ABCG8: variants seen among roughly 807,000 people sequenced by gnomAD.
The protein encoded by ABCG8 is ATP binding cassette subfamily G member 8, also known as ATP-binding cassette sub-family G member 8.
A neutral mutation model predicts 71.3 loss-of-function variants in ABCG8; 81 were observed. That is an observed-to-expected ratio of 1.14 (90% confidence interval 0.95 to 1.37). ABCG8 has a LOEUF of 1.37. Among genes scored for constraint, ABCG8 ranks in the 40% most tolerant of loss-of-function variants. The probability of loss-of-function intolerance (pLI) is 0.00; values close to 1 mark genes in which losing one functional copy is unlikely to be tolerated. For missense variants in ABCG8, 1,119 were observed against 866.2 expected (o/e 1.29, Z -3.66); for synonymous variants, 451 against 354.7 (o/e 1.27, Z -3.05).
In ABCG8 at chr2:43,877,620, A is replaced by T. The variant is rs1381705606; in HGVS notation, c.1816A>T (p.Ile606Phe). The change falls in exon 12 of 13, where the codon ATT becomes TTT. Residue 606 changes from isoleucine to phenylalanine, a missense_variant. By Grantham distance (21) the Ile-to-Phe change is conservative (BLOSUM62 0). Coordinates refer to ENST00000272286, the MANE Select transcript of ABCG8 (RefSeq NM_022437.3). ...LRWCFEGLMK[I>F]QFSRRTYKMP... is the part of the protein sequence containing the mutation. ...GTGGTGTTTTGAAGGGCTGATGAAGATTCAGTTCAGCAGAAGAACTTATAA... is the reference window on the plus strand; with the variant it reads ...GTGGTGTTTTGAAGGGCTGATGAAGTTTCAGTTCAGCAGAAGAACTTATAA... The T allele has an allele frequency of 6.2e-7, 1 of 1,614,004 alleles. No individual in the cohort carries two copies. The highest frequency in any genetic ancestry group is 1.3e-5 in the African/African-American group (1 of 74,892).
chr2:43,845,495 T>C (rs1252734877), intron 2 of ABCG8, among the ~76,000 whole-genome samples: 1 of 152,268 alleles, frequency 6.6e-6, no homozygotes, highest in African/African-American at 2.4e-5. Flanking sequence ...TGTTAAGTGA[T>C]TAACACAATG....
chr2:43,853,187 T>C (rs1456318934), intron 6 of ABCG8, among the ~76,000 whole-genome samples: 1 of 152,200 alleles, frequency 6.6e-6, no homozygotes, highest in Non-Finnish European at 1.5e-5. Context: ...TCAGACTCAG[T>C]AGGGAAACAA....
rs1401983879 is a variant in ABCG8, at chr2:43,873,954, C to G, written c.1379C>G (p.Pro460Arg). ...ALLFMIGALI[P>R]FNVILDVISK... is the part of the protein sequence containing the mutation. ...TTGTTCATGATCGGTGCTCTCATCC[C>G]TTTCAACGTCATTCTGGATGTCATC... Residue 460 changes from proline (P) to arginine (R), a missense_variant, in exon 9 of 13, where the codon CCT (proline) becomes CGT (arginine). Pro to Arg is a moderately radical substitution (Grantham distance 103). Transcript: ENST00000272286. The G allele has an allele frequency of 6.2e-7, 1 of 1,614,030 alleles. No homozygotes were observed. Among genetic ancestry groups the G allele is most frequent in the African/African-American group, 1.3e-5 (1 of 74,914 alleles).
chr2:43,849,415 C>T (rs1668844192), intron 3 of ABCG8, among the ~76,000 whole-genome samples: 1 of 152,106 alleles, frequency 6.6e-6, no homozygotes, highest in African/African-American at 2.4e-5. Context: ...AACTTTTAAA[C>T]CATAAGAGTG....
At chr2:43,859,810 T>G (rs1357714685) in intron 6 of ABCG8, among the ~76,000 whole-genome samples, 1 of 150,790 alleles carries the variant, frequency 6.6e-6, no homozygotes, top group Non-Finnish European at 1.5e-5. Context: ...TCCGTCTGGA[T>G]AGAATTCTCA....
At chr2:43,854,585 C>T (rs192607681) in intron 6 of ABCG8, among the ~76,000 whole-genome samples, 1 of 148,860 alleles carries the variant, frequency 6.7e-6, no homozygotes, top group Non-Finnish European at 1.5e-5. Flanking sequence ...TGAGATTGTG[C>T]CACTGCACCC....
intron 1 of ABCG8, 148 bp from the exon 2 acceptor site, chr2:43,844,359 T>C: frequency 2.9e-6 from 2 of 681,876 alleles, no homozygotes; most frequent in African/African-American, 1.8e-5. Context: ...GCCCTGAGGT[T>C]CCACCTGTGC....
rs1669873266 is a variant in ABCG8, at chr2:43,874,067, T to G, written c.1411+81T>G. On this transcript the variant is annotated intron_variant, in intron 9 of 12. Coordinates refer to ENST00000272286, the MANE Select transcript of ABCG8 (RefSeq NM_022437.3). ...TTCCTCTGAGCTCCTGGGGAGCGGG[T>G]TTGATTTCATTGTGATTGTGATATA... 4.5e-6 allele frequency: 6 copies of G among 1,324,086 alleles called. No homozygotes were observed. In the African/African-American group the frequency reaches 8.9e-5, roughly 20 times the overall value. 82.0% of individuals were successfully genotyped at this position (1,324,086 alleles called of 1,614,324 possible).
In ABCG8 at chr2:43,842,339, TCAA is replaced by T. The variant is rs528422911; in HGVS notation, c.64-2155_64-2153del. ...GCAATGGCTAAGATTTTTTGATGAT[TCAA>T]CAACAACAACAAAAATGGGACAATG... On this transcript the variant is annotated intron_variant, in intron 1 of 12. Coordinates refer to ENST00000272286, the MANE Select transcript of ABCG8 (RefSeq NM_022437.3). 1.8e-4 allele frequency among the ~76,000 whole-genome samples: 28 copies of T among 152,206 alleles called. No individual in the cohort carries two copies. The East Asian group carries it at 4.6e-3, about 25-fold the overall frequency.
chr2:43,840,933 G>T (rs777451155), intron 1 of ABCG8, among the ~76,000 whole-genome samples: 3 of 152,208 alleles, frequency 2.0e-5, no homozygotes, highest in African/African-American at 7.2e-5. Context: ...AGACCCTGGG[G>T]ATGGACTTGG....
intron 1 of ABCG8, among the ~76,000 whole-genome samples, chr2:43,843,333 G>C (rs1236082292): frequency 1.3e-5 from 2 of 152,168 alleles, no homozygotes; most frequent in Non-Finnish European, 2.9e-5. Flanking sequence ...AAGTCTATGG[G>C]AACTTGTTAA....
At chr2:43,872,591 C>T (rs750655548) in intron 8 of ABCG8, among the ~76,000 whole-genome samples, 19 of 151,984 alleles carry the variant, frequency 1.3e-4, no homozygotes, top group Non-Finnish European at 2.8e-4. Flanking sequence ...GTTATGGTGG[C>T]GTGGGCCTAC....
chr2:43,865,294 T>C (rs1424193892), intron 6 of ABCG8, among the ~76,000 whole-genome samples: 1 of 146,446 alleles, frequency 6.8e-6, no homozygotes, highest in Non-Finnish European at 1.5e-5. Flanking sequence ...CTGGATAGAA[T>C]TCTCAGTCTC....
At chr2:43,845,397 T>C (rs1162624221) in intron 2 of ABCG8, among the ~76,000 whole-genome samples, 1 of 152,156 alleles carries the variant, frequency 6.6e-6, no homozygotes, top group African/African-American at 2.4e-5. Context: ...AGCAAGTTGC[T>C]TAACTGCCCT....
At chr2:43,868,056 T>A (rs1669597071) in intron 6 of ABCG8, among the ~76,000 whole-genome samples, 1 of 152,100 alleles carries the variant, frequency 6.6e-6, no homozygotes, top group Non-Finnish European at 1.5e-5. Flanking sequence ...GATAGAGCTC[T>A]CACTATCTAT....
At chr2:43,844,705 C>G in intron 2 of ABCG8, 97 bp downstream of exon 2, 1 of 907,334 alleles carries the variant, frequency 1.1e-6, no homozygotes, top group Non-Finnish European at 1.8e-6. Flanking sequence ...CTTGCAGGCC[C>G]TCTGCCCGCA....
At chr2:43,871,365 T>C (rs76790265) in intron 6 of ABCG8, among the ~76,000 whole-genome samples, 13 of 145,454 alleles carry the variant, frequency 8.9e-5, no homozygotes, top group South Asian at 2.1e-4. Context: ...GAATGCTCAC[T>C]CTCTGGATAG....
In ABCG8 at chr2:43,874,206, C is replaced by T. The variant is rs545312139; in HGVS notation, c.1412-201C>T. Reference sequence around the variant, plus strand: ...AGGATTTATATTTGACAGCAGAACACGAGCTACAGACTTGCAAAACCTGAA... The same window carrying T: ...AGGATTTATATTTGACAGCAGAACATGAGCTACAGACTTGCAAAACCTGAA... On this transcript the variant is annotated intron_variant, in intron 9 of 12. Coordinates refer to ENST00000272286, the MANE Select transcript of ABCG8 (RefSeq NM_022437.3). Among the ~76,000 whole-genome samples, 6 of 152,110 alleles carry T rather than the reference C, an allele frequency of 3.9e-5. No homozygotes were observed. The South Asian group carries it at 1.0e-3, about 26-fold the overall frequency.
At chr2:43,844,175 T>C (rs1202260877) in intron 1 of ABCG8, among the ~76,000 whole-genome samples, 2 of 152,108 alleles carry the variant, frequency 1.3e-5, no homozygotes, top group Non-Finnish European at 2.9e-5. Flanking sequence ...CAGAGGTTTT[T>C]TTATAGAACT....
Sources: gnomAD v4.1 joint callset for allele counts (sites outside exome capture counted in the v4.1 genomes callset) on GRCh38, gnomAD v4.1.1 for gene constraint, MANE v1.5 for transcripts, NCBI Gene and HGNC (gene_info 2026-07-23, HGNC 2026-07-21) for gene names.